XXYLT1: variants seen among roughly 807,000 people sequenced by gnomAD.
XXYLT1 encodes the protein UDP-xylose:alpha-xyloside alpha-1,3-xylosyltransferase.
XXYLT1 carries 20 observed loss-of-function variants against 28.9 expected under a neutral mutation model. That is an observed-to-expected ratio of 0.69 (90% CI 0.49 to 1.00). The LOEUF (loss-of-function observed/expected upper bound fraction) is 1.00. Ranked by LOEUF, XXYLT1 falls within the 50% of genes least tolerant of loss-of-function variation. The pLI is 0.00. For synonymous variants in XXYLT1, 257 were observed against 253.8 expected (o/e 1.01, Z -0.12); for missense variants, 542 against 560.1 (o/e 0.97, Z 0.33).
rs1399682534 is a variant in XXYLT1, at chr3:195,256,536, A to G, written c.504+14019T>C. Reference sequence around the variant, plus strand: ...TCATTCCAGGGATTATCCCAGAAAGAGGGGAAGAGCAGCCTCCTCACACCC... The same window carrying G: ...TCATTCCAGGGATTATCCCAGAAAGGGGGGAAGAGCAGCCTCCTCACACCC... On this transcript the variant is annotated intron_variant, in intron 1 of 3. Coordinates refer to ENST00000310380, the MANE Select transcript of XXYLT1 (RefSeq NM_152531.5). This position sits in a 1 kb window ranked among gnomAD's most constrained non-coding sequence, Gnocchi z 4.2. The G allele has an allele frequency of 1.0e-6, 1 of 985,366 alleles. No individual in the cohort carries two copies. The highest frequency in any genetic ancestry group is 1.2e-6 in the Non-Finnish European group (1 of 829,914). 61.0% of individuals were successfully genotyped at this position (985,366 alleles called of 1,614,324 possible).
At chr3:195,270,520 C>T in intron 1 of XXYLT1, 35 bp downstream of exon 1, 2 of 1,361,816 alleles carry the variant, frequency 1.5e-6, no homozygotes, top group Admixed American at 3.7e-5. Context: ...TGGGGTGGGC[C>T]ACCCACCGGG....
chr3:195,233,566 ATTATT>A (rs1201975399), intron 1 of XXYLT1, among the ~76,000 whole-genome samples: 1 of 152,226 alleles, frequency 6.6e-6, no homozygotes, highest in African/African-American at 2.4e-5. Flanking sequence ...TTTATAACAC[ATTATT>A]TTAAACTGAT....
intron 3 of XXYLT1, among the ~76,000 whole-genome samples, chr3:195,144,859 G>A (rs4677815): frequency 0.19 from 29,548 of 152,116 alleles, 3,416 homozygotes; most frequent in East Asian, 0.42. Context: ...GTCACACTCC[G>A]TACCCCTCCT....
chr3:195,165,777 G>A (rs959684631), intron 2 of XXYLT1, among the ~76,000 whole-genome samples: 17 of 152,088 alleles, frequency 1.1e-4, no homozygotes, highest in African/African-American at 2.9e-4. Context: ...TATCATCATC[G>A]TTATATTAGT....
At chr3:195,244,191 A>G (rs1158625245) in intron 1 of XXYLT1, among the ~76,000 whole-genome samples, 1 of 152,192 alleles carries the variant, frequency 6.6e-6, no homozygotes, top group East Asian at 1.9e-4. Flanking sequence ...AAACCTTGAT[A>G]TGACCAGGGC....
chr3:195,209,790 T>C lies in XXYLT1; in HGVS notation c.652+16919A>G, dbSNP rs1472178534. On this transcript the variant is annotated intron_variant, in intron 2 of 3. Coordinates refer to ENST00000310380, the MANE Select transcript of XXYLT1 (RefSeq NM_152531.5). The surrounding 1 kb of genome is among the most constrained non-coding windows in gnomAD (Gnocchi z 5.0). Reference sequence around the variant, plus strand: ...CTGGAGGCCCAGCTATCGCCCGGAATATTCCAAAGGCTATCCAGAAGCCAG... The same window carrying C: ...CTGGAGGCCCAGCTATCGCCCGGAACATTCCAAAGGCTATCCAGAAGCCAG... The C allele has an allele frequency of 6.6e-6, 1 of 152,430 alleles. No homozygotes were observed. The highest frequency in any genetic ancestry group is 2.4e-5 in the African/African-American group (1 of 41,430). 9.4% of individuals were successfully genotyped at this position (152,430 alleles called of 1,614,324 possible).
At chr3:195,105,682 C>T (rs1017978651) in intron 3 of XXYLT1, among the ~76,000 whole-genome samples, 8 of 152,244 alleles carry the variant, frequency 5.3e-5, no homozygotes, top group African/African-American at 1.9e-4. Context: ...ACGGGGCCAC[C>T]GAGCAGTGAT....
intron 1 of XXYLT1, among the ~76,000 whole-genome samples, chr3:195,245,505 C>T (rs1485277335): frequency 1.3e-5 from 2 of 152,098 alleles, no homozygotes; most frequent in East Asian, 3.9e-4. Flanking sequence ...AGACTGGACA[C>T]ACCTGTTCTA....
intron 2 of XXYLT1, among the ~76,000 whole-genome samples, chr3:195,157,242 C>CAAAAAAAAA (rs34312884): frequency 1.4e-5 from 1 of 73,822 alleles, no homozygotes; most frequent in Non-Finnish European, 2.5e-5. Flanking sequence ...GGCGCCATCT[C>CAAAAAAAAA]AAAAAAAAAA....
intron 2 of XXYLT1, chr3:195,214,975 G>A (rs944417695): frequency 3.7e-4 from 56 of 151,374 alleles, no homozygotes; most frequent in African/African-American, 1.3e-3. Flanking sequence ...CGGATCTCTC[G>A]GCAGAAACCC....
chr3:195,071,104 A>G (rs1477111164), intron 3 of XXYLT1, among the ~76,000 whole-genome samples: 6 of 152,080 alleles, frequency 3.9e-5, no homozygotes, highest in Admixed American at 1.3e-4. Context: ...GGTGGAGGGG[A>G]GAGGCGTCCA....
chr3:195,070,984 G>C (rs1264275042), intron 3 of XXYLT1, among the ~76,000 whole-genome samples: 2 of 152,234 alleles, frequency 1.3e-5, no homozygotes, highest in Non-Finnish European at 2.9e-5. Flanking sequence ...TCCATCTGGA[G>C]GGGAGAAGAA....
At chr3:195,247,668 AC>A (rs1414558383) in intron 1 of XXYLT1, 1 of 587,428 alleles carries the variant, frequency 1.7e-6, no homozygotes, top group Non-Finnish European at 3.1e-6. Flanking sequence ...GAACCCTCCG[AC>A]CCCAGGGCAG....
intron 3 of XXYLT1, among the ~76,000 whole-genome samples, chr3:195,082,413 A>C (rs1715485772): frequency 6.6e-6 from 1 of 152,146 alleles, no homozygotes; most frequent in Non-Finnish European, 1.5e-5. Flanking sequence ...CTACTGTCTG[A>C]GCAGCTGTGC....
intron 2 of XXYLT1, among the ~76,000 whole-genome samples, chr3:195,202,480 G>C (rs1722902098): frequency 6.7e-6 from 1 of 149,944 alleles, no homozygotes; most frequent in Non-Finnish European, 1.5e-5. Context: ...ATCCAAAGAT[G>C]AACAGAACCT....
At chr3:195,247,775 T>A in intron 1 of XXYLT1, 1 of 702,472 alleles carries the variant, frequency 1.4e-6, no homozygotes, top group Non-Finnish European at 2.6e-6. Context: ...GACTCACAGT[T>A]CTGCCTGGCT....
rs1435470649 is a variant in XXYLT1 at position 195,210,410 on chromosome 3, G to A, written c.652+16299C>T. ...CCCTGAACACAGTGGGCAGGAGGAC[G>A]GACTCCTCATGGGTGAGGCGAGGCC... On this transcript the variant is annotated intron_variant, in intron 2 of 3. Transcript: ENST00000310380. The surrounding 1 kb of genome is among the most constrained non-coding windows in gnomAD (Gnocchi z 4.8). 1.3e-5 allele frequency among the ~76,000 whole-genome samples: 2 copies of A among 152,206 alleles called. No homozygotes were observed. Among genetic ancestry groups the A allele is most frequent in the African/African-American group, 4.8e-5 (2 of 41,452 alleles).
intron 3 of XXYLT1, among the ~76,000 whole-genome samples, chr3:195,132,766 G>A (rs917583292): frequency 5.3e-5 from 8 of 152,226 alleles, no homozygotes; most frequent in Non-Finnish European, 1.2e-4. Flanking sequence ...AGACCGTAGT[G>A]AAGCAGGATG....
Position 195,077,305 on chromosome 3 carries a change from T to C in XXYLT1, c.786-7194A>G, listed in dbSNP as rs1463640006. ...CCCCCTTGCAACATCTCCTGCAATCTCAACCCAGAGGCAGTGCCGCAATAA... is the reference window on the plus strand; with the variant it reads ...CCCCCTTGCAACATCTCCTGCAATCCCAACCCAGAGGCAGTGCCGCAATAA... On this transcript the variant is annotated intron_variant, in intron 3 of 3. Coordinates refer to ENST00000310380, the MANE Select transcript of XXYLT1 (RefSeq NM_152531.5). This position sits in a 1 kb window ranked among gnomAD's most constrained non-coding sequence, Gnocchi z 4.8. Among the ~76,000 whole-genome samples, 2 of 152,094 alleles carry C rather than the reference T, an allele frequency of 1.3e-5. No individual in the cohort carries two copies. The highest frequency in any genetic ancestry group is 4.8e-5 in the African/African-American group (2 of 41,422).
Sources: gnomAD v4.1 joint callset for allele counts (sites outside exome capture counted in the v4.1 genomes callset) on GRCh38, gnomAD v4.1.1 for gene constraint, Gnocchi (gnomAD v3.1) non-coding constraint, MANE v1.5 for transcripts, NCBI Gene and HGNC (gene_info 2026-07-23, HGNC 2026-07-21) for gene names.